DIO2: variants seen among roughly 807,000 people sequenced by gnomAD.
The protein encoded by DIO2 is iodothyronine deiodinase 2.
DIO2 carries 19 observed loss-of-function variants against 21.4 expected under a neutral mutation model. That is an observed-to-expected ratio of 0.89 (90% CI 0.62 to 1.30). The LOEUF (loss-of-function observed/expected upper bound fraction) is 1.30. Among genes scored for constraint, DIO2 ranks in the 50% most tolerant of loss-of-function variants. The pLI is 0.00. For synonymous variants in DIO2, 122 were observed against 132.9 expected, an observed-to-expected ratio of 0.92 and a Z score of 0.57; for missense variants, 302 against 338.1, an observed-to-expected ratio of 0.89 and a Z score of 0.84.
intron 2 of DIO2, chr14:80,230,999 G>A (rs1888675460): frequency 6.6e-6 from 1 of 152,212 alleles, no homozygotes; most frequent in Admixed American, 6.5e-5. Flanking sequence ...CGATGTTTGA[G>A]GGCAGGAAGC....
chr14:80,225,537 A>C (rs962341342), intron 2 of DIO2, among the ~76,000 whole-genome samples: 6 of 152,260 alleles, frequency 3.9e-5, no homozygotes, highest in African/African-American at 1.2e-4. Context: ...CAAAAGGAAG[A>C]AATACTCATG....
In DIO2 at chr14:80,211,397, C is replaced by A. The variant is rs560635197; in HGVS notation, c.76G>T (p.Ala26Ser). ...AGCAGAATGACCGAGTCATAGAGAG[C>A]CAGGAAGAGGCAGTTGGAGAAAAAA... ...PVFFSNCLFL[A>S]LYDSVILLKH... Residue 26 changes from alanine (A) to serine (S), a missense_variant, in exon 1 of 2, where the codon GCT becomes TCT. Coordinates refer to ENST00000438257, the MANE Select transcript of DIO2 (RefSeq NM_013989.5). The A allele has an allele frequency of 6.2e-7, 1 of 1,613,516 alleles. No homozygotes were observed. The highest frequency in any genetic ancestry group is 1.1e-5 in the South Asian group (1 of 91,026).
At chr14:80,219,906 T>A (rs1260421768) in intron 2 of DIO2, among the ~76,000 whole-genome samples, 2 of 152,218 alleles carry the variant, frequency 1.3e-5, no homozygotes, top group Non-Finnish European at 2.9e-5. Flanking sequence ...AACATTTTAT[T>A]ATAAATCACT....
At chr14:80,227,173 A>G (rs1219897729) in intron 2 of DIO2, among the ~76,000 whole-genome samples, 1 of 152,152 alleles carries the variant, frequency 6.6e-6, no homozygotes, top group South Asian at 2.1e-4. Flanking sequence ...GTGCCTGCAT[A>G]TCATGCACAA....
chr14:80,226,911 C>G (rs1888587960), intron 2 of DIO2, among the ~76,000 whole-genome samples: 1 of 152,232 alleles, frequency 6.6e-6, no homozygotes, highest in Non-Finnish European at 1.5e-5. Flanking sequence ...CCACATACGT[C>G]TTCCCCACAT....
chr14:80,206,893 A>G (rs578107495), intron 1 of DIO2, among the ~76,000 whole-genome samples: 1 of 152,316 alleles, frequency 6.6e-6, no homozygotes, highest in South Asian at 2.1e-4. Context: ...CCCTGCCAGC[A>G]TTAGCCGCTC....
chr14:80,230,745 C>T (rs958184958), intron 2 of DIO2, among the ~76,000 whole-genome samples: 5 of 152,170 alleles, frequency 3.3e-5, no homozygotes, highest in Non-Finnish European at 5.9e-5. Flanking sequence ...TCATATTAAG[C>T]AGCTAACTCT....
At chr14:80,205,236 C>T (rs2139999890) in intron 1 of DIO2, among the ~76,000 whole-genome samples, 1 of 152,036 alleles carries the variant, frequency 6.6e-6, no homozygotes, top group South Asian at 2.1e-4. Context: ...GTAGCAGTCT[C>T]TTCTCTTTAG....
In DIO2 at chr14:80,201,483, A is replaced by G. The variant is rs945479745; in HGVS notation, c.*1206T>C. The G allele has an allele frequency of 2.6e-5, 4 of 152,170 alleles. No homozygotes were observed. Among genetic ancestry groups the G allele is most frequent in the African/African-American group, 9.7e-5 (4 of 41,444 alleles). 9.4% of individuals were successfully genotyped at this position (152,170 alleles called of 1,614,324 possible). A position where few individuals can be genotyped will look rare whatever the true frequency, so the allele number is the denominator to read the frequency against. ...TCCCGCAGCAGCTGAGAATATATAT[A>G]CATATATTTGTATGTATGTATGTAT... is the stretch of plus-strand genomic sequence containing the variant. On this transcript the variant is annotated 3_prime_UTR_variant, in exon 2 of 2. Coordinates refer to ENST00000438257, the MANE Select transcript of DIO2 (RefSeq NM_013989.5).
Position 80,202,675 on chromosome 14 carries a change from T to C in DIO2, c.*14A>G. 1 of 1,596,082 alleles carries C rather than the reference T, an allele frequency of 6.3e-7. No homozygotes were observed. Among genetic ancestry groups the C allele is most frequent in the Non-Finnish European group, 8.5e-7 (1 of 1,170,542 alleles). ...TAACTTTTTAAAACAATAAGCTCTC[T>C]TATAATCATACCTTTAACCAGCTAA... On this transcript the variant is annotated 3_prime_UTR_variant, in exon 2 of 2. Transcript: ENST00000438257.
At chr14:80,226,453 G>C (rs1345690865) in intron 2 of DIO2, among the ~76,000 whole-genome samples, 1 of 152,208 alleles carries the variant, frequency 6.6e-6, no homozygotes, top group Non-Finnish European at 1.5e-5. Context: ...TTGCATGCAG[G>C]ATAGGCAAAC....
intron 1 of DIO2, among the ~76,000 whole-genome samples, 190 bp from the exon 2 acceptor site, chr14:80,203,478 G>T (rs888549629): frequency 2.0e-5 from 3 of 152,072 alleles, no homozygotes; most frequent in Admixed American, 6.5e-5. Context: ...GTAAAGAATG[G>T]CCCAAAAGAC....
chr14:80,210,706 C>A (rs1888144455), intron 1 of DIO2, among the ~76,000 whole-genome samples: 2 of 152,128 alleles, frequency 1.3e-5, no homozygotes, highest in Non-Finnish European at 2.9e-5. Context: ...CTTTCATTAA[C>A]TCTTACCTCT....
At chr14:80,221,244 T>C (rs1888457631) in intron 2 of DIO2, among the ~76,000 whole-genome samples, 1 of 152,152 alleles carries the variant, frequency 6.6e-6, no homozygotes, top group Admixed American at 6.5e-5. Flanking sequence ...ATAAATTACC[T>C]AGCTAATTGA....
chr14:80,211,093 T>C (rs1447733064), intron 1 of DIO2, among the ~76,000 whole-genome samples, 158 bp downstream of exon 1: 1 of 152,140 alleles, frequency 6.6e-6, no homozygotes. Flanking sequence ...AGCTAACCTG[T>C]GCAACAGGTG....
chr14:80,216,247 G>A (rs1220131421), upstream of DIO2: 1 of 152,276 alleles, frequency 6.6e-6, no homozygotes, highest in African/African-American at 2.4e-5. Flanking sequence ...GTAGGAGATA[G>A]GCAGGGAAAG....
Position 80,208,290 on chromosome 14 carries a change from T to G in DIO2, c.222+2961A>C, listed in dbSNP as rs372664056. 6.6e-5 allele frequency among the ~76,000 whole-genome samples: 10 copies of G among 152,234 alleles called. No homozygotes were observed. The South Asian group carries it at 2.1e-3, about 32-fold the overall frequency. ...CTTTCAATCAAAATTGTACACAGAA[T>G]CCATCTCTTACTAAACTCACATTAT... On this transcript the variant is annotated intron_variant, in intron 1 of 1. Coordinates refer to ENST00000438257, the MANE Select transcript of DIO2 (RefSeq NM_013989.5).
chr14:80,214,863 C>A (rs567249054), upstream of DIO2, among the ~76,000 whole-genome samples: 1 of 152,098 alleles, frequency 6.6e-6, no homozygotes, highest in Non-Finnish European at 1.5e-5. Flanking sequence ...GGAGTCCAAG[C>A]GGGTGTTGGG....
Position 80,203,028 on chromosome 14 carries a change from A to G in DIO2, c.483T>C (p.Ile161=), listed in dbSNP as rs1887800495. The G allele has an allele frequency of 6.2e-7, 1 of 1,613,908 alleles. No individual in the cohort carries two copies. The highest frequency in any genetic ancestry group is 8.5e-7 in the Non-Finnish European group (1 of 1,179,858). ...AGCCATCTGATGGATGAGCCTCATC[A>G]ATGTAGACCAGCAGGAAGTCAGCCA... ...SSVADFLLVY[I]DEAHPSDGWA... Residue 161 remains isoleucine, a synonymous_variant, in exon 2 of 2, where the codon ATT becomes ATC. Coordinates refer to ENST00000438257, the MANE Select transcript of DIO2 (RefSeq NM_013989.5).
Sources: allele counts gnomAD v4.1 joint callset (sites outside exome capture counted in the v4.1 genomes callset), GRCh38; gene constraint gnomAD v4.1.1; transcripts MANE v1.5; gene names NCBI Gene and HGNC (gene_info 2026-07-23, HGNC 2026-07-21).